Variants in KLRD1 observed in about 807,000 individuals in gnomAD.
KLRD1 encodes killer cell lectin like receptor D1, also known as natural killer cells antigen CD94.
KLRD1 carries 21 observed loss-of-function variants against 22.6 expected under a neutral mutation model. The ratio of observed to expected loss-of-function variants is 0.93; its 90% CI spans 0.66 to 1.34. KLRD1 has a LOEUF of 1.34. Among genes scored for constraint, KLRD1 ranks in the 40% most tolerant of loss-of-function variants. The pLI, the probability that KLRD1 is intolerant of heterozygous loss-of-function variation, is 0.00. For missense variants in KLRD1, 183 were observed against 208.6 expected, an observed-to-expected ratio of 0.88 and a Z score of 0.76; for synonymous variants, 59 against 71.1, an observed-to-expected ratio of 0.83 and a Z score of 0.85.
chr12:10,262,715 A>G (rs1261871773), intron 1 of KLRD1, among the ~76,000 whole-genome samples: 1 of 152,084 alleles, frequency 6.6e-6, no homozygotes, highest in Non-Finnish European at 1.5e-5. Context: ...AATTCACAAT[A>G]TTTGCAAAAG....
upstream of KLRD1, among the ~76,000 whole-genome samples, chr12:10,305,339 G>A (rs1419943093): frequency 2.0e-5 from 3 of 152,148 alleles, no homozygotes; most frequent in Admixed American, 2.0e-4. Context: ...ATATTTCAGC[G>A]GAATTTAGTC....
chr12:10,279,010 G>A (rs1402286974), intron 1 of KLRD1, among the ~76,000 whole-genome samples: 1 of 127,568 alleles, frequency 7.8e-6, no homozygotes, highest in Non-Finnish European at 1.7e-5. Flanking sequence ...TTTAATTTTA[G>A]GTTTAGGGGG....
chr12:10,315,368 C>A lies in KLRD1; in HGVS notation c.*575C>A. The A allele has an allele frequency of 2.6e-6, 1 of 388,854 alleles. No homozygotes were observed. The highest frequency in any genetic ancestry group is 1.9e-5 in the South Asian group (1 of 53,634). 24.1% of individuals were successfully genotyped at this position (388,854 alleles called of 1,614,324 possible). A position where few individuals can be genotyped will look rare whatever the true frequency, so the allele number is the denominator to read the frequency against. On this transcript the variant is annotated 3_prime_UTR_variant, in exon 6 of 6. Transcript: ENST00000336164. ...CTTGAACTCCTGGCCTCAAGGGATT[C>A]TCCCACCTTGGATTCCCAAAGTGCT...
At chr12:10,275,584 A>T (rs1949585664) in intron 1 of KLRD1, among the ~76,000 whole-genome samples, 1 of 152,180 alleles carries the variant, frequency 6.6e-6, no homozygotes, top group Non-Finnish European at 1.5e-5. Flanking sequence ...TATCCGAAGC[A>T]TGTAGTTAGG....
At chr12:10,248,530 T>TTTCCTTCCTTCCTTCCTTCCTTCCTTCC (rs547431896) in intron 1 of KLRD1, among the ~76,000 whole-genome samples, 7 of 96,608 alleles carry the variant, frequency 7.2e-5, no homozygotes, top group South Asian at 4.4e-4. Context: ...TGTATTTTCT[T>TTTCCTTCCTTCCTTCCTTCCTTCCTTCC]TTCCTTCCTT....
chr12:10,239,188 C>T (rs935928509), intron 1 of KLRD1, among the ~76,000 whole-genome samples: 1 of 152,062 alleles, frequency 6.6e-6, no homozygotes. Flanking sequence ...GGCTGGTGGC[C>T]AAGGATGGGG....
intron 1 of KLRD1, among the ~76,000 whole-genome samples, chr12:10,285,528 G>A (rs1310247916): frequency 2.6e-5 from 4 of 152,090 alleles, no homozygotes; most frequent in African/African-American, 9.7e-5. Flanking sequence ...TAAGTCCTTT[G>A]TGTATCAATA....
chr12:10,258,916 G>T (rs1027363932), intron 1 of KLRD1, among the ~76,000 whole-genome samples: 17 of 152,196 alleles, frequency 1.1e-4, no homozygotes, highest in Non-Finnish European at 2.1e-4. Flanking sequence ...AAGGGAATCT[G>T]TAAGACCTAC....
intron 1 of KLRD1, among the ~76,000 whole-genome samples, chr12:10,273,050 T>C (rs950323827): frequency 6.6e-6 from 1 of 152,174 alleles, no homozygotes; most frequent in Non-Finnish European, 1.5e-5. Flanking sequence ...CATACAACCC[T>C]ATTCCCTCGA....
chr12:10,242,158 T>C (rs1440271950), intron 1 of KLRD1, among the ~76,000 whole-genome samples: 2 of 148,552 alleles, frequency 1.3e-5, no homozygotes, highest in Non-Finnish European at 3.0e-5. Flanking sequence ...GGGATATATG[T>C]GCTGATTTTA....
chr12:10,257,936 C>T lies in KLRD1; in HGVS notation c.-101+31703C>T, dbSNP rs544024268. Among the ~76,000 whole-genome samples, 8 of 152,160 alleles carry T rather than the reference C, an allele frequency of 5.3e-5. No homozygotes were observed. The South Asian group carries it at 1.7e-3, about 32-fold the overall frequency. On this transcript the variant is annotated intron_variant, in intron 1 of 5. Transcript: ENST00000544747. The stretch of plus-strand genomic sequence containing the variant: ...GCTTTAGGTAAAGGCTTAAGGTCTT[C>T]TCAGGTCTTTTGGAGCATGAATTTT...
In KLRD1 at chr12:10,307,984, T is replaced by TA; in HGVS notation, c.-92dup. 8.9e-7 allele frequency: 1 copy of TA among 1,120,824 alleles called. No individual in the cohort carries two copies. The highest frequency in any genetic ancestry group is 1.3e-6 in the Non-Finnish European group (1 of 748,696). The allele number at this position is 1,120,824 out of a possible 1,614,324, so 69.4% of individuals were successfully genotyped here. A position where few individuals can be genotyped will look rare whatever the true frequency, so the allele number is the denominator to read the frequency against. On this transcript the variant is annotated 5_prime_UTR_variant, in exon 1 of 6. Transcript: ENST00000336164. Reference sequence around the variant, plus strand: ...CTTCATACTCAACTTTCAGATTCTTTAATCTCCAGCTCAGCTTCAACAATT... The same window carrying TA: ...CTTCATACTCAACTTTCAGATTCTTTAAATCTCCAGCTCAGCTTCAACAATT...
chr12:10,270,818 C>T (rs1949542517), intron 1 of KLRD1, among the ~76,000 whole-genome samples: 1 of 148,028 alleles, frequency 6.8e-6, no homozygotes, highest in Admixed American at 6.8e-5. Flanking sequence ...GAGTCTCGCT[C>T]TGTCGCCCAG....
intron 1 of KLRD1, among the ~76,000 whole-genome samples, chr12:10,243,607 CAAAAAAA>C (rs34864670): frequency 6.6e-4 from 19 of 28,808 alleles, no homozygotes; most frequent in African/African-American, 2.6e-3. Flanking sequence ...AGTGAGACTC[CAAAAAAA>C]AAAAAAAAAA....
intron 1 of KLRD1, among the ~76,000 whole-genome samples, chr12:10,255,054 C>T (rs1949381874): frequency 1.5e-5 from 2 of 132,840 alleles, no homozygotes; most frequent in Non-Finnish European, 3.3e-5. Context: ...CACTGTCTCA[C>T]ATCAGTCAGA....
Position 10,326,991 on chromosome 12 carries a change from T to C in KLRD1, c.*12198T>C, listed in dbSNP as rs1421988716. 1 of 152,240 alleles carries C rather than the reference T, an allele frequency of 6.6e-6. No homozygotes were observed. Among genetic ancestry groups the C allele is most frequent in the Non-Finnish European group, 1.5e-5 (1 of 68,036 alleles). 9.4% of individuals were successfully genotyped at this position (152,240 alleles called of 1,614,324 possible). A position where few individuals can be genotyped will look rare whatever the true frequency, so the allele number is the denominator to read the frequency against. On this transcript the variant is annotated 3_prime_UTR_variant, in exon 6 of 6. Coordinates refer to ENST00000336164, the MANE Select transcript of KLRD1 (RefSeq NM_002262.5). The stretch of plus-strand genomic sequence containing the variant: ...TTGATGATATCATTGCCAAAACCAA[T>C]GTCAAAAGGTTTTCCTCTATGTTTT...
chr12:10,303,538 A>G (rs113862421), upstream of KLRD1, among the ~76,000 whole-genome samples: 2 of 152,164 alleles, frequency 1.3e-5, no homozygotes, highest in African/African-American at 4.8e-5. Flanking sequence ...TAATTTTACT[A>G]ATATAGATTT....
intron 1 of KLRD1, among the ~76,000 whole-genome samples, chr12:10,288,242 CAA>C (rs71300167): frequency 1.8e-4 from 17 of 94,858 alleles, no homozygotes; most frequent in Non-Finnish European, 1.2e-4. Context: ...GACTCCGTCT[CAA>C]AAAAAAAAAA....
rs200612977 is a variant in KLRD1 at position 10,245,904 on chromosome 12, C to T, written c.-101+19671C>T. Among the ~76,000 whole-genome samples the T allele has an allele frequency of 3.9e-5, 6 of 152,160 alleles. No individual in the cohort carries two copies. The East Asian group carries it at 5.8e-4, about 15-fold the overall frequency. On this transcript the variant is annotated intron_variant, in intron 1 of 5. Coordinates refer to the KLRD1 transcript ENST00000544747. ...GCATGATCACAGCTTACTGTAACCT[C>T]GGGCTCCAGACTTAAGTGATCCTAC...
Sources: gnomAD v4.1 joint callset for allele counts (sites outside exome capture counted in the v4.1 genomes callset) on GRCh38, gnomAD v4.1.1 for gene constraint, MANE v1.5 for transcripts, NCBI Gene and HGNC (gene_info 2026-07-23, HGNC 2026-07-21) for gene names.